The following ANKRD30BL variants were observed in gnomAD, a reference collection of about 807,000 sequenced individuals.
ANKRD30BL encodes the protein ankyrin repeat domain 30B like, also known as putative ankyrin repeat domain-containing protein 30B-like.
In ANKRD30BL, 20 loss-of-function variants were observed where a neutral mutation model predicts 18.4. The ratio of observed to expected loss-of-function variants is 1.09; its 90% CI spans 0.77 to 1.58. The LOEUF is 1.58. Ranked by LOEUF, ANKRD30BL falls within the 40% of genes most tolerant of loss-of-function variation. The pLI is 0.00. For synonymous variants in ANKRD30BL, 72 were observed against 100.9 expected (o/e 0.71, Z 1.72); for missense variants, 224 against 268.6 (o/e 0.83, Z 1.16).
chr2:132,236,919 T>G (rs1558732083), intron 1 of ANKRD30BL, among the ~76,000 whole-genome samples: 1 of 151,690 alleles, frequency 6.6e-6, no homozygotes, highest in Non-Finnish European at 1.5e-5. Context: ...ATGTGGCACA[T>G]ATACACCATG....
chr2:132,183,590 T>C (rs1688511089), intron 1 of ANKRD30BL, among the ~76,000 whole-genome samples: 1 of 151,956 alleles, frequency 6.6e-6, no homozygotes, highest in African/African-American at 2.4e-5. Context: ...GACTAGAAGT[T>C]CCAAGAAAAT....
chr2:132,171,600 C>A, intron 1 of ANKRD30BL, among the ~76,000 whole-genome samples: 1 of 152,202 alleles, frequency 6.6e-6, no homozygotes, highest in Middle Eastern at 3.2e-3. Context: ...CATTATATCA[C>A]ATTTCCAATT....
chr2:132,252,162 GT>G (rs1406532058), intron 1 of ANKRD30BL, among the ~76,000 whole-genome samples: 1 of 152,202 alleles, frequency 6.6e-6, no homozygotes, highest in Non-Finnish European at 1.5e-5. Context: ...GTAATGAAAT[GT>G]GAAACTAAGT....
rs545417225 is a variant in ANKRD30BL at position 132,253,188 on chromosome 2, C to T, written n.441+4341G>A. 153 of 216,056 alleles carry T rather than the reference C, an allele frequency of 7.1e-4. 1 individual carries two copies. Among genetic ancestry groups the T allele is most frequent in the African/African-American group, 3.3e-3 (141 of 42,406 alleles). The allele number at this position is 216,056 out of a possible 1,614,324, so 13.4% of individuals were successfully genotyped here. A position where few individuals can be genotyped will look rare whatever the true frequency, so the allele number is the denominator to read the frequency against. ...GACAGGCATAGCCCTGGGAGGAACC[C>T]GGGCCGCAAGTGCATTCGAAGAGTC... On this transcript the variant is annotated intron_variant and non_coding_transcript_variant, in intron 1 of 4. Transcript: ENST00000470729.
intron 1 of ANKRD30BL, among the ~76,000 whole-genome samples, chr2:132,176,297 AGGCGAGTAGATCAGGAGG>A (rs1688366320): frequency 6.6e-6 from 1 of 151,578 alleles, no homozygotes; most frequent in Non-Finnish European, 1.5e-5. Flanking sequence ...TGGGAGGCTG[AGGCGAGTAGATCAGGAGG>A]TCAGGAGTTC....
In ANKRD30BL at chr2:132,148,202, C is replaced by T. The variant is rs772654185; in HGVS notation, c.706G>A (p.Glu236Lys). 2 of 1,605,884 alleles carry T rather than the reference C, an allele frequency of 1.2e-6. No individual in the cohort carries two copies. Among genetic ancestry groups the T allele is most frequent in the Non-Finnish European group, 1.7e-6 (2 of 1,176,900 alleles). ...GTTCTTTCCGCCAAGGGTGCAGCCT[C>T]ATCAGGTGTTCCTTCAGATGTTCCT... is the stretch of plus-strand genomic sequence containing the variant. The part of the protein sequence containing the change: ...PEGTSEGTPD[E>K]AAPLAERTPD... The change falls in exon 6 of 6, where the codon GAG (glutamate) becomes AAG (lysine). Residue 236 changes from glutamate (E) to lysine (K), a missense_variant. Transcript: ENST00000409867.
chr2:132,174,938 T>C (rs941590594), intron 1 of ANKRD30BL, among the ~76,000 whole-genome samples: 2 of 152,218 alleles, frequency 1.3e-5, no homozygotes, highest in Non-Finnish European at 2.9e-5. Flanking sequence ...AATTGTAAAT[T>C]GACTTGCTAT....
At chr2:132,214,716 A>T (rs1441286243) in intron 1 of ANKRD30BL, among the ~76,000 whole-genome samples, 3 of 151,636 alleles carry the variant, frequency 2.0e-5, no homozygotes, top group African/African-American at 7.3e-5. Flanking sequence ...TTTCTTTGCG[A>T]TGTGTGCATT....
At chr2:132,162,522 C>T (rs1370178833), upstream of ANKRD30BL, among the ~76,000 whole-genome samples, 2 of 152,316 alleles carry the variant, frequency 1.3e-5, no homozygotes, top group East Asian at 3.9e-4. Flanking sequence ...TGAGGCTTTG[C>T]GGCAGGTTCC....
chr2:132,230,523 T>C (rs1466827548), intron 1 of ANKRD30BL, among the ~76,000 whole-genome samples: 1 of 151,780 alleles, frequency 6.6e-6, no homozygotes, highest in African/African-American at 2.4e-5. Context: ...TTTATGATGT[T>C]TGCATTCAGC....
intron 1 of ANKRD30BL, among the ~76,000 whole-genome samples, chr2:132,170,883 C>T (rs1471324940): frequency 2.0e-5 from 3 of 152,034 alleles, no homozygotes; most frequent in African/African-American, 7.2e-5. Flanking sequence ...GGAGGCCGAG[C>T]CGGTGGCTCA....
At chr2:132,201,640 C>A (rs1316947188) in intron 1 of ANKRD30BL, among the ~76,000 whole-genome samples, 1 of 152,138 alleles carries the variant, frequency 6.6e-6, no homozygotes, top group South Asian at 2.1e-4. Flanking sequence ...AGTCAGGAAA[C>A]AACAGGTGCT....
chr2:132,207,711 C>G (rs1356632697), intron 1 of ANKRD30BL, among the ~76,000 whole-genome samples: 1 of 152,082 alleles, frequency 6.6e-6, no homozygotes, highest in Non-Finnish European at 1.5e-5. Flanking sequence ...CCTCAGGAAT[C>G]CAGTCATAGG....
At chr2:132,225,597 C>G (rs111921031) in intron 1 of ANKRD30BL, among the ~76,000 whole-genome samples, 1,927 of 152,122 alleles carry the variant, frequency 0.013, 43 homozygotes, top group African/African-American at 0.043. Context: ...TTGAAACACT[C>G]TTTTTGTAGA....
At chr2:132,206,880 T>A (rs1445289965) in intron 1 of ANKRD30BL, among the ~76,000 whole-genome samples, 2 of 152,284 alleles carry the variant, frequency 1.3e-5, no homozygotes, top group Non-Finnish European at 2.9e-5. Flanking sequence ...TAGCACCGGG[T>A]GATCACTGAG....
chr2:132,233,214 C>T (rs1455809152), intron 1 of ANKRD30BL, among the ~76,000 whole-genome samples: 2 of 151,980 alleles, frequency 1.3e-5, no homozygotes, highest in Non-Finnish European at 2.9e-5. Flanking sequence ...ACAACCAGTA[C>T]CAGCCACTGC....
chr2:132,228,056 A>G (rs1679894658), intron 1 of ANKRD30BL, among the ~76,000 whole-genome samples: 2 of 152,100 alleles, frequency 1.3e-5, no homozygotes, highest in African/African-American at 4.8e-5. Flanking sequence ...GGACATTTGG[A>G]GCACTTTTAG....
intron 1 of ANKRD30BL, among the ~76,000 whole-genome samples, chr2:132,181,461 C>CA (rs151177463): frequency 0.53 from 77,175 of 145,678 alleles, 20,130 homozygotes; most frequent in South Asian, 0.61. Context: ...GACTCTGTTT[C>CA]AAAAAAAAAA....
chr2:132,246,076 T>C (rs991346293), intron 1 of ANKRD30BL, among the ~76,000 whole-genome samples: 3 of 151,868 alleles, frequency 2.0e-5, no homozygotes, highest in African/African-American at 7.2e-5. Context: ...TTATAGAATC[T>C]GCAAGTTGAT....
Sources: gnomAD v4.1 joint callset for allele counts (sites outside exome capture counted in the v4.1 genomes callset) on GRCh38, gnomAD v4.1.1 for gene constraint, MANE v1.5 for transcripts, NCBI Gene and HGNC (gene_info 2026-07-23, HGNC 2026-07-21) for gene names.